THRB: variants seen among roughly 807,000 people sequenced by gnomAD.
THRB encodes thyroid hormone receptor beta.
In THRB, 12 loss-of-function variants were observed where a neutral mutation model predicts 47.8. The ratio of observed to expected loss-of-function variants is 0.25; its 90% CI spans 0.16 to 0.41. The LOEUF (loss-of-function observed/expected upper bound fraction) is 0.41. Ranked by LOEUF, THRB falls within the 10% of genes least tolerant of loss-of-function variation. The pLI is 1.00. For synonymous variants in THRB, 218 were observed against 212.2 expected, an observed-to-expected ratio of 1.03 and a Z score of -0.24; for missense variants, 348 against 589.2, an observed-to-expected ratio of 0.59 and a Z score of 4.24.
chr3:24,369,957 A>G (rs778972537), intron 1 of THRB, among the ~76,000 whole-genome samples: 202 of 152,192 alleles, frequency 1.3e-3, no homozygotes, highest in Non-Finnish European at 1.3e-3. Context: ...TTTAGAGCTG[A>G]CTACATAACT....
intron 5 of THRB, among the ~76,000 whole-genome samples, chr3:24,164,809 C>A (rs1408017320): frequency 6.6e-6 from 1 of 152,180 alleles, no homozygotes; most frequent in Non-Finnish European, 1.5e-5. Flanking sequence ...AAAGGCAACT[C>A]ACTCCAGCTT....
At chr3:24,227,644 A>G (rs1010578680) in intron 4 of THRB, among the ~76,000 whole-genome samples, 6 of 152,156 alleles carry the variant, frequency 3.9e-5, no homozygotes, top group Non-Finnish European at 8.8e-5. Flanking sequence ...GGTCATTGGG[A>G]GGCTTCAAAA....
At chr3:24,126,385 TA>T (rs889395975) in intron 10 of THRB, among the ~76,000 whole-genome samples, 90 of 147,126 alleles carry the variant, frequency 6.1e-4, no homozygotes, top group Non-Finnish European at 8.4e-4. Context: ...TGTCTCAGGT[TA>T]AAAAAAAAAA....
chr3:24,160,048 G>A (rs890574844), intron 5 of THRB, among the ~76,000 whole-genome samples: 1 of 152,220 alleles, frequency 6.6e-6, no homozygotes, highest in African/African-American at 2.4e-5. Flanking sequence ...CTGGGTAATA[G>A]AAGAGGCTGG....
chr3:24,403,926 G>T (rs1264892526), intron 1 of THRB, among the ~76,000 whole-genome samples: 1 of 151,914 alleles, frequency 6.6e-6, no homozygotes, highest in Non-Finnish European at 1.5e-5. Context: ...TCAGACTTGG[G>T]TGTTTCACTT....
rs372099098 is a variant in THRB at position 24,218,739 on chromosome 3, A to G, written c.22+10199T>C. 6.6e-5 allele frequency among the ~76,000 whole-genome samples: 10 copies of G among 152,170 alleles called. No individual in the cohort carries two copies. The East Asian group carries it at 7.7e-4, about 12-fold the overall frequency. On this transcript the variant is annotated intron_variant, in intron 4 of 10. Coordinates refer to ENST00000646209, the MANE Select transcript of THRB (RefSeq NM_001354712.2). ...CACCACAATCCTTTGAGAAAAGTTC[A>G]GCATTTTCAGCATTGGGATTTTTAA...
chr3:24,245,241 C>T (rs2049992305), intron 3 of THRB, among the ~76,000 whole-genome samples: 3 of 131,852 alleles, frequency 2.3e-5, no homozygotes, highest in East Asian at 2.3e-4. Flanking sequence ...AGAAACTTGC[C>T]CTTTGTGACC....
intron 5 of THRB, among the ~76,000 whole-genome samples, chr3:24,162,124 G>A (rs1408440147): frequency 6.6e-6 from 1 of 151,478 alleles, no homozygotes; most frequent in African/African-American, 2.4e-5. Flanking sequence ...TTCGGAATGT[G>A]ATTAGTATTT....
At chr3:24,425,537 T>C (rs1204415100) in intron 1 of THRB, among the ~76,000 whole-genome samples, 1 of 151,890 alleles carries the variant, frequency 6.6e-6, no homozygotes, top group East Asian at 1.9e-4. Flanking sequence ...CTCAATTGAG[T>C]AATATCAGAA....
chr3:24,347,425 A>G (rs994821953), intron 1 of THRB, among the ~76,000 whole-genome samples: 2 of 149,518 alleles, frequency 1.3e-5, no homozygotes, highest in African/African-American at 5.1e-5. Flanking sequence ...AATACAGAGA[A>G]CAGAGTTACT....
intron 8 of THRB, among the ~76,000 whole-genome samples, chr3:24,135,977 T>G (rs918142867): frequency 1.3e-5 from 2 of 151,758 alleles, no homozygotes; most frequent in African/African-American, 4.8e-5. Flanking sequence ...CATCTCTCAA[T>G]GAATACTGAT....
rs1560001271 is a variant in THRB, at chr3:24,353,159, C to T, written c.-260-15788G>A. ...GTATATTTGCATAAAGAAAAACCAA[C>T]TTACAAAAAAAAAACCTCTTGTCAG... On this transcript the variant is annotated intron_variant, in intron 1 of 10. Coordinates refer to ENST00000646209, the MANE Select transcript of THRB (RefSeq NM_001354712.2). 2.0e-5 allele frequency among the ~76,000 whole-genome samples: 3 copies of T among 151,658 alleles called. No homozygotes were observed. In the South Asian group the frequency reaches 6.2e-4, roughly 32 times the overall value.
chr3:24,422,944 C>A (rs2150310524), intron 1 of THRB, among the ~76,000 whole-genome samples: 1 of 151,956 alleles, frequency 6.6e-6, no homozygotes, highest in Non-Finnish European at 1.5e-5. Context: ...GATCTTGGGA[C>A]TTCTTATCCC....
intron 6 of THRB, among the ~76,000 whole-genome samples, chr3:24,148,547 C>T (rs1234279330): frequency 6.6e-6 from 1 of 152,218 alleles, no homozygotes; most frequent in African/African-American, 2.4e-5. Context: ...CAGGCATGAG[C>T]CACTGTTCCT....
At chr3:24,154,443 C>T (rs2037490386) in intron 5 of THRB, among the ~76,000 whole-genome samples, 1 of 152,150 alleles carries the variant, frequency 6.6e-6, no homozygotes, top group Non-Finnish European at 1.5e-5. Flanking sequence ...AAGCTGAGTT[C>T]TGTTTCTGTA....
At chr3:24,242,751 G>T (rs2049678858) in intron 3 of THRB, among the ~76,000 whole-genome samples, 1 of 152,076 alleles carries the variant, frequency 6.6e-6, no homozygotes, top group African/African-American at 2.4e-5. Flanking sequence ...TAGGTGCAGA[G>T]AGAAAGCCTT....
chr3:24,165,420 CATACACCCTGAGAGCTGGGCAT>C (rs2149289364), intron 5 of THRB: 2 of 703,150 alleles, frequency 2.8e-6, no homozygotes, highest in South Asian at 3.2e-5. Flanking sequence ...TCTCCAGCCC[CATACACCCTGAGAGCTGGGCAT>C]ATACGCAGAG....
intron 5 of THRB, among the ~76,000 whole-genome samples, chr3:24,168,307 T>C (rs2149320560): frequency 6.6e-6 from 1 of 152,198 alleles, no homozygotes. Flanking sequence ...AGTAAAGCAA[T>C]CTAAACATAT....
intron 6 of THRB, 102 bp downstream of exon 6, chr3:24,152,288 T>A (rs1232019537): frequency 1.4e-6 from 1 of 701,350 alleles, no homozygotes; most frequent in Non-Finnish European, 2.6e-6. Context: ...TGTTAGAATT[T>A]GATTTTAATT....
Sources: gnomAD v4.1 joint callset for allele counts (sites outside exome capture counted in the v4.1 genomes callset) on GRCh38, gnomAD v4.1.1 for gene constraint, MANE v1.5 for transcripts, NCBI Gene and HGNC (gene_info 2026-07-23, HGNC 2026-07-21) for gene names.